XPR1: variants seen among roughly 807,000 people sequenced by gnomAD.
The protein encoded by XPR1 is xenotropic and polytropic retrovirus receptor 1.
A neutral mutation model predicts 87.5 loss-of-function variants in XPR1; 28 were observed. The ratio of observed to expected loss-of-function variants is 0.32; its 90% confidence interval spans 0.24 to 0.44. The LOEUF (loss-of-function observed/expected upper bound fraction) is 0.44. Ranked by LOEUF, XPR1 falls within the 20% of genes least tolerant of loss-of-function variation. The probability of loss-of-function intolerance (pLI) is 1.00; values close to 1 mark genes in which losing one functional copy is unlikely to be tolerated. For missense variants in XPR1, 559 were observed against 862.3 expected (o/e 0.65, Z 4.41); for synonymous variants, 300 against 306.1 (o/e 0.98, Z 0.21).
intron 2 of XPR1, among the ~76,000 whole-genome samples, chr1:180,735,610 TCTATTAA>T (rs1421445522): frequency 6.6e-6 from 1 of 152,226 alleles, no homozygotes; most frequent in Non-Finnish European, 1.5e-5. Context: ...TCTCTTGAAC[TCTATTAA>T]CTATTCCCTT....
chr1:180,781,305 A>T (rs1032366348), intron 2 of XPR1, among the ~76,000 whole-genome samples: 5 of 151,996 alleles, frequency 3.3e-5, no homozygotes, highest in African/African-American at 1.2e-4. Context: ...ATACAGATTT[A>T]AAAAAAGACA....
chr1:180,682,306 T>G (rs1656602832), intron 1 of XPR1, 54 bp from the exon 2 acceptor site: 13 of 1,406,114 alleles, frequency 9.2e-6, no homozygotes, highest in Non-Finnish European at 1.2e-5. Flanking sequence ...TCAGATACAT[T>G]CAGTATAAAG....
chr1:180,855,449 G>C (rs1174554352), intron 11 of XPR1, among the ~76,000 whole-genome samples: 1 of 152,108 alleles, frequency 6.6e-6, no homozygotes, highest in Non-Finnish European at 1.5e-5. Context: ...GGCAGATTAT[G>C]AGGTCAGGAG....
intron 2 of XPR1, among the ~76,000 whole-genome samples, chr1:180,708,352 T>C (rs1657628058): frequency 6.6e-6 from 1 of 152,216 alleles, no homozygotes. Flanking sequence ...TTCCTTACTA[T>C]GTGTGTTTGA....
chr1:180,661,520 G>A (rs1385549159), intron 1 of XPR1, among the ~76,000 whole-genome samples: 2 of 122,962 alleles, frequency 1.6e-5, no homozygotes, highest in Non-Finnish European at 3.5e-5. Context: ...TGTGTGTGTG[G>A]TATGTTTTTT....
chr1:180,676,737 T>A (rs981500983), intron 1 of XPR1, among the ~76,000 whole-genome samples: 1 of 152,220 alleles, frequency 6.6e-6, no homozygotes, highest in Non-Finnish European at 1.5e-5. Context: ...ATACATTTTT[T>A]AAGAAGAGGT....
intron 7 of XPR1, among the ~76,000 whole-genome samples, chr1:180,818,893 T>G (rs1650511237): frequency 1.3e-5 from 2 of 152,312 alleles, no homozygotes; most frequent in South Asian, 4.1e-4. Context: ...TTGAAAGTTT[T>G]GGATCTTTGA....
intron 10 of XPR1, among the ~76,000 whole-genome samples, chr1:180,836,109 A>G (rs1413991318): frequency 1.3e-5 from 2 of 152,164 alleles, no homozygotes; most frequent in African/African-American, 2.4e-5. Context: ...CTGTAATCCT[A>G]GCAGTGTAGG....
rs375661577 is a variant in XPR1, at chr1:180,811,461, G to A, written c.736G>A (p.Val246Ile). 9.3e-6 allele frequency: 15 copies of A among 1,612,942 alleles called. No homozygotes were observed. The African/African-American group carries it at 1.9e-4, about 20-fold the overall frequency. Residue 246 changes from valine (V) to isoleucine (I), a missense_variant, in exon 7 of 15, where the codon GTA becomes ATA. This residue lies in a region of XPR1 where 39 missense variants were observed against 38.5 expected (regional missense o/e 1.01). Transcript: ENST00000367590. ...RVGLFCGIFI[V>I]LNITLVLAAV... is the part of the protein sequence containing the mutation. Reference sequence around the variant, plus strand: ...TGGCCTATTTTGTGGAATATTCATTGTACTGAATATTACCCTTGTGCTTGC... The same window carrying A: ...TGGCCTATTTTGTGGAATATTCATTATACTGAATATTACCCTTGTGCTTGC...
At chr1:180,724,745 A>G (rs1296104211) in intron 2 of XPR1, among the ~76,000 whole-genome samples, 3 of 152,228 alleles carry the variant, frequency 2.0e-5, no homozygotes, top group Non-Finnish European at 4.4e-5. Context: ...ATGCTGAGCA[A>G]GAAAGATGCC....
intron 12 of XPR1, among the ~76,000 whole-genome samples, chr1:180,864,971 G>C (rs1571904545): frequency 6.6e-6 from 1 of 152,210 alleles, no homozygotes; most frequent in African/African-American, 2.4e-5. Flanking sequence ...GGAGAGGGAA[G>C]TGTAGATTAG....
At chr1:180,819,372 T>C (rs1285877912) in intron 7 of XPR1, among the ~76,000 whole-genome samples, 1 of 152,252 alleles carries the variant, frequency 6.6e-6, no homozygotes, top group Non-Finnish European at 1.5e-5. Flanking sequence ...TTTGTTGTTG[T>C]TGCTGCTGTT....
At chr1:180,813,311 A>ATGTCTACCTAGCTTATTTCATCACT (rs1378821834) in intron 7 of XPR1, among the ~76,000 whole-genome samples, 2 of 152,110 alleles carry the variant, frequency 1.3e-5, no homozygotes, top group East Asian at 3.9e-4. Context: ...CTTCCCCAAG[A>ATGTCTACCTAGCTTATTTCATCACT]TGTCTACCTA....
Position 180,632,196 on chromosome 1 carries a change from G to C in XPR1, c.-6G>C, listed in dbSNP as rs1038861973. Reference sequence around the variant, plus strand: ...ACCCGAGTGGGAGTGAGGGGGAAACGGCAGGATGAAGTTCGCCGAGCACCT... The same window carrying C: ...ACCCGAGTGGGAGTGAGGGGGAAACCGCAGGATGAAGTTCGCCGAGCACCT... On this transcript the variant is annotated 5_prime_UTR_variant, in exon 1 of 15. Coordinates refer to ENST00000367590, the MANE Select transcript of XPR1 (RefSeq NM_004736.4). 2 of 1,606,088 alleles carry C rather than the reference G, an allele frequency of 1.2e-6. No individual in the cohort carries two copies. Among genetic ancestry groups the C allele is most frequent in the Admixed American group, 3.4e-5 (2 of 59,172 alleles).
intron 14 of XPR1, among the ~76,000 whole-genome samples, chr1:180,881,889 T>C (rs12096475): frequency 0.039 from 5,925 of 151,282 alleles, 420 homozygotes; most frequent in African/African-American, 0.14. Flanking sequence ...ACAAAAGAGG[T>C]AGGAATAGTC....
At chr1:180,865,676 A>G (rs1290299694) in intron 12 of XPR1, among the ~76,000 whole-genome samples, 1 of 152,198 alleles carries the variant, frequency 6.6e-6, no homozygotes, top group East Asian at 1.9e-4. Flanking sequence ...TTTGTTTCTT[A>G]TTATGATAAT....
At chr1:180,808,193 C>T (rs148806823) in intron 6 of XPR1, among the ~76,000 whole-genome samples, 35 of 150,998 alleles carry the variant, frequency 2.3e-4, no homozygotes, top group African/African-American at 5.4e-4. Flanking sequence ...TAACATATTA[C>T]GAACAACAGA....
At chr1:180,876,521 A>G (rs1005776445) in intron 13 of XPR1, among the ~76,000 whole-genome samples, 2 of 152,120 alleles carry the variant, frequency 1.3e-5, no homozygotes, top group Non-Finnish European at 2.9e-5. Flanking sequence ...CTGTAGTCCC[A>G]GCTACTCAGG....
chr1:180,733,101 T>C (rs1207809620), intron 2 of XPR1, among the ~76,000 whole-genome samples: 1 of 152,206 alleles, frequency 6.6e-6, no homozygotes, highest in Non-Finnish European at 1.5e-5. Flanking sequence ...ACTGATGTGC[T>C]CCTTTCTGTG....
Sources: allele counts gnomAD v4.1 joint callset (sites outside exome capture counted in the v4.1 genomes callset), GRCh38; gene constraint gnomAD v4.1.1; regional missense constraint gnomAD v4.1.1; transcripts MANE v1.5; gene names NCBI Gene and HGNC (gene_info 2026-07-23, HGNC 2026-07-21).